HIPK2: variants seen among roughly 807,000 people sequenced by gnomAD.
The protein encoded by HIPK2 is homeodomain-interacting protein kinase 2.
Under a neutral mutation model 113.7 loss-of-function variants are expected in HIPK2, and 27 were observed. That is an observed-to-expected ratio of 0.24 (90% CI 0.17 to 0.33). The LOEUF is 0.33. HIPK2 is among the 10% of genes least tolerant of loss of function. HIPK2 has a pLI of 1.00. For missense variants in HIPK2, 1,257 were observed against 1,588.0 expected (o/e 0.79, Z 3.54); for synonymous variants, 631 against 642.2 (o/e 0.98, Z 0.26).
intron 2 of HIPK2, among the ~76,000 whole-genome samples, chr7:139,690,923 G>A (rs1245440465): frequency 2.0e-5 from 3 of 152,056 alleles, no homozygotes; most frequent in African/African-American, 7.2e-5. Flanking sequence ...AACACTAAAG[G>A]GACTCAGACA....
intron 2 of HIPK2, among the ~76,000 whole-genome samples, chr7:139,680,329 A>G (rs1393053764): frequency 1.3e-5 from 2 of 152,200 alleles, no homozygotes; most frequent in Non-Finnish European, 2.9e-5. Flanking sequence ...CTGGTGCCCA[A>G]GCAGCCCCAG....
chr7:139,620,373 C>T (rs1355425198), intron 7 of HIPK2, 28 bp downstream of exon 7: 3 of 1,613,220 alleles, frequency 1.9e-6, no homozygotes. Context: ...GCAGCCCCGC[C>T]TCTCCTTCCC....
chr7:139,720,825 T>C (rs1365467356), intron 1 of HIPK2, among the ~76,000 whole-genome samples: 1 of 152,200 alleles, frequency 6.6e-6, no homozygotes, highest in Non-Finnish European at 1.5e-5. Context: ...AATACGCTGT[T>C]CATACATAAA....
intron 2 of HIPK2, among the ~76,000 whole-genome samples, chr7:139,648,798 T>C (rs1239931099): frequency 6.6e-6 from 1 of 151,856 alleles, no homozygotes; most frequent in Admixed American, 6.6e-5. Context: ...GGTTTTTTTT[T>C]TCCTTTCCCC....
chr7:139,703,774 C>A (rs1352627363), intron 2 of HIPK2, among the ~76,000 whole-genome samples: 1 of 130,974 alleles, frequency 7.6e-6, no homozygotes, highest in Admixed American at 7.9e-5. Flanking sequence ...CCACACACTA[C>A]ACCCAACACA....
At chr7:139,739,243 A>G (rs550456640) in intron 1 of HIPK2, among the ~76,000 whole-genome samples, 1 of 152,236 alleles carries the variant, frequency 6.6e-6, no homozygotes, top group African/African-American at 2.4e-5. Context: ...TTTTAAAGTA[A>G]CAGCTTTATG....
intron 13 of HIPK2, among the ~76,000 whole-genome samples, chr7:139,576,524 A>G (rs1798497271): frequency 6.6e-6 from 1 of 152,210 alleles, no homozygotes; most frequent in Non-Finnish European, 1.5e-5. Context: ...TTACCCAGCC[A>G]GAGAGCCAGG....
intron 1 of HIPK2, among the ~76,000 whole-genome samples, chr7:139,760,609 T>C (rs1043293449): frequency 9.9e-5 from 15 of 152,206 alleles, no homozygotes; most frequent in Non-Finnish European, 2.2e-4. Flanking sequence ...CTACATTCTT[T>C]ACATTTATAG....
At position 139,564,664 on chromosome 7, in the gene HIPK2, G is replaced by C. The variant is rs575251945; in HGVS notation, c.*8263C>G. On this transcript the variant is annotated 3_prime_UTR_variant, in exon 15 of 15. Coordinates refer to ENST00000406875, the MANE Select transcript of HIPK2 (RefSeq NM_022740.5). ...GAGTCTGGGACAACACACTTGCCTT[G>C]GGGGAGACACAACCTCCAACTAAGA... The C allele has an allele frequency of 4.4e-4, 67 of 152,308 alleles. No individual in the cohort carries two copies. Among genetic ancestry groups the C allele is most frequent in the African/African-American group, 1.2e-3 (50 of 41,562 alleles). 9.4% of individuals were successfully genotyped at this position (152,308 alleles called of 1,614,324 possible). A position where few individuals can be genotyped will look rare whatever the true frequency, so the allele number is the denominator to read the frequency against.
At position 139,596,772 on chromosome 7, in the gene HIPK2, T is replaced by C; in HGVS notation, c.2662A>G (p.Ile888Val). 1 of 1,613,920 alleles carries C rather than the reference T, an allele frequency of 6.2e-7. No homozygotes were observed. Among genetic ancestry groups the C allele is most frequent in the Non-Finnish European group, 8.5e-7 (1 of 1,179,790 alleles). The change falls in exon 12 of 15, where the codon ATC becomes GTC. Residue 888 changes from isoleucine to valine, a missense_variant. This residue lies in a region of HIPK2 where 862 missense variants were observed against 1,004.3 expected (regional missense o/e 0.86). Transcript: ENST00000406875. The stretch of plus-strand genomic sequence containing the variant: ...TCGTCCGTGTCACTGCTGATGGTGA[T>C]GACGCTGACCGTGGGGCTGGGAGTG... The part of the protein sequence containing the change: ...PDTPSPTVSV[I>V]TISSDTDEEE...
At chr7:139,719,509 C>T (rs1282132364) in intron 1 of HIPK2, among the ~76,000 whole-genome samples, 1 of 152,124 alleles carries the variant, frequency 6.6e-6, no homozygotes, top group Admixed American at 6.5e-5. Flanking sequence ...TGTAGGTGAC[C>T]CCCACATGTT....
intron 5 of HIPK2, 131 bp from the exon 6 acceptor site, chr7:139,626,916 G>T: frequency 2.0e-6 from 2 of 989,714 alleles, no homozygotes; most frequent in Non-Finnish European, 1.5e-6. Context: ...CAGGAACTCT[G>T]CCCCTATGGG....
At chr7:139,776,945 C>G (rs534713387) in intron 1 of HIPK2, 32 of 152,306 alleles carry the variant, frequency 2.1e-4, no homozygotes, top group Admixed American at 1.9e-3. Context: ...CAACACAGAT[C>G]GACCCAGACC....
rs1795251851 is a variant in HIPK2 at position 139,716,629 on chromosome 7, C to T, written c.406G>A (p.Glu136Lys). 5.6e-6 allele frequency: 9 copies of T among 1,613,992 alleles called. No individual in the cohort carries two copies. The highest frequency in any genetic ancestry group is 3.3e-5 in the South Asian group (3 of 91,090). ...ACGCTGCTTGTGTTCTCGATCTCCT[C>T]GCTCTTACGCTTGAGTCCACATTTT... ...YQKCGLKRKS[E>K]EIENTSSVQI... is the part of the protein sequence containing the mutation. Residue 136 changes from glutamate to lysine, a missense_variant, in exon 2 of 15, where the codon GAG becomes AAG. By Grantham distance (56) the Glu-to-Lys change is moderately conservative (BLOSUM62 1). Around this residue, in one of 5 missense-constraint regions of HIPK2, gnomAD observed 209 missense variants for 237.8 expected, o/e 0.88. Coordinates refer to ENST00000406875, the MANE Select transcript of HIPK2 (RefSeq NM_022740.5). The surrounding 1 kb of genome is among the most constrained non-coding windows in gnomAD (Gnocchi z 9.3).
At chr7:139,583,770 A>C (rs2116546256) in intron 13 of HIPK2, 47 bp downstream of exon 13, 1 of 1,582,588 alleles carries the variant, frequency 6.3e-7, no homozygotes, top group Admixed American at 1.8e-5. Context: ...AAGCAGGAAA[A>C]CCACTCTCCA....
intron 2 of HIPK2, among the ~76,000 whole-genome samples, chr7:139,635,980 A>T (rs553626148): frequency 6.6e-6 from 1 of 152,290 alleles, no homozygotes; most frequent in East Asian, 1.9e-4. Context: ...CTCTGGAGAG[A>T]GTCATCTCCC....
chr7:139,775,790 C>T (rs565732922), intron 1 of HIPK2, among the ~76,000 whole-genome samples: 13 of 152,262 alleles, frequency 8.5e-5, no homozygotes, highest in Non-Finnish European at 1.3e-4. Context: ...GCATGGCCTA[C>T]CTTCCATATG....
In HIPK2 at chr7:139,716,582, T is replaced by A; in HGVS notation, c.453A>T (p.Pro151=). 1 of 1,613,970 alleles carries A rather than the reference T, an allele frequency of 6.2e-7. No individual in the cohort carries two copies. Among genetic ancestry groups the A allele is most frequent in the Non-Finnish European group, 8.5e-7 (1 of 1,179,880 alleles). ...CGCTTGCATTATTCTGAATCATGGG[T>A]GGATGCTCCTCGATGATCTGCACGC... ...TSSVQIIEEH[P]PMIQNNASGA... The change falls in exon 2 of 15, where the codon CCA becomes CCT. Residue 151 remains proline, a synonymous_variant. Transcript: ENST00000406875. This position sits in a 1 kb window ranked among gnomAD's most constrained non-coding sequence, Gnocchi z 9.3.
At chr7:139,582,614 A>T (rs1313138132) in intron 13 of HIPK2, among the ~76,000 whole-genome samples, 14 of 152,258 alleles carry the variant, frequency 9.2e-5, no homozygotes, top group Admixed American at 9.2e-4. Context: ...CTCCAAAGTC[A>T]GGGAAAAAGA....
Sources: gnomAD v4.1 joint callset for allele counts (sites outside exome capture counted in the v4.1 genomes callset) on GRCh38, gnomAD v4.1.1 for gene constraint, gnomAD v4.1.1 regional missense constraint, Gnocchi (gnomAD v3.1) non-coding constraint, MANE v1.5 for transcripts, NCBI Gene and HGNC (gene_info 2026-07-23, HGNC 2026-07-21) for gene names.